MACROD2: variants seen among roughly 807,000 people sequenced by gnomAD.
MACROD2 encodes ADP-ribose glycohydrolase MACROD2.
MACROD2 carries 36 observed loss-of-function variants against 70.4 expected under a neutral mutation model. The observed-to-expected ratio is 0.51, with a 90% confidence interval of 0.39 to 0.68. The LOEUF (loss-of-function observed/expected upper bound fraction) is 0.68, where lower values mean the gene tolerates loss of function less well. Among genes scored for constraint, MACROD2 ranks in the 30% least tolerant of loss-of-function variants. The probability of loss-of-function intolerance (pLI) is 0.00; values close to 1 mark genes in which losing one functional copy is unlikely to be tolerated. For synonymous variants in MACROD2, 172 were observed against 178.8 expected (o/e 0.96, Z 0.30); for missense variants, 496 against 538.4 (o/e 0.92, Z 0.78).
At chr20:14,707,403 C>T (rs1034773158) in intron 5 of MACROD2, among the ~76,000 whole-genome samples, 1 of 152,120 alleles carries the variant, frequency 6.6e-6, no homozygotes, top group Non-Finnish European at 1.5e-5. Flanking sequence ...AGAAGAGCCT[C>T]GGTTTTCTTT....
At chr20:14,180,574 A>T (rs1227346401) in intron 3 of MACROD2, among the ~76,000 whole-genome samples, 1 of 152,152 alleles carries the variant, frequency 6.6e-6, no homozygotes, top group African/African-American at 2.4e-5. Flanking sequence ...TTGTTCAGGC[A>T]TTTAGATTAT....
intron 7 of MACROD2, among the ~76,000 whole-genome samples, chr20:15,444,947 T>C (rs1177134165): frequency 8.8e-6 from 1 of 113,146 alleles, no homozygotes. Flanking sequence ...AACACAAACA[T>C]TTAACAATTA....
At chr20:14,684,421 A>G (rs1173294237) in intron 4 of MACROD2, among the ~76,000 whole-genome samples, 1 of 152,066 alleles carries the variant, frequency 6.6e-6, no homozygotes, top group Non-Finnish European at 1.5e-5. Context: ...GGTGTGTTAG[A>G]GGCAACATGT....
chr20:15,426,970 C>CT (rs1307117914), intron 6 of MACROD2, among the ~76,000 whole-genome samples: 1 of 152,042 alleles, frequency 6.6e-6, no homozygotes, highest in Non-Finnish European at 1.5e-5. Context: ...TGTTAGTTTG[C>CT]TTGTTCACTT....
chr20:15,447,051 CGTGTGTGT>C (rs57914856), intron 7 of MACROD2, among the ~76,000 whole-genome samples: 162 of 146,612 alleles, frequency 1.1e-3, no homozygotes, highest in African/African-American at 2.2e-3. Context: ...TAAGAGTGTG[CGTGTGTGT>C]GTGTGTGTGT....
chr20:15,964,196 A>G (rs55995879), intron 12 of MACROD2, among the ~76,000 whole-genome samples: 53 of 152,350 alleles, frequency 3.5e-4, no homozygotes, highest in African/African-American at 1.3e-3. Flanking sequence ...CATGGAAATA[A>G]TAAGTTATTT....
At chr20:14,368,620 TCTC>T (rs1439144659) in intron 3 of MACROD2, among the ~76,000 whole-genome samples, 2 of 152,132 alleles carry the variant, frequency 1.3e-5, no homozygotes, top group East Asian at 1.9e-4. Context: ...GATTTTTCCT[TCTC>T]CTCTGGGTTT....
intron 3 of MACROD2, among the ~76,000 whole-genome samples, chr20:14,219,535 A>C (rs2081651854): frequency 6.6e-6 from 1 of 152,212 alleles, no homozygotes; most frequent in African/African-American, 2.4e-5. Flanking sequence ...TTTCGAGTAA[A>C]GCAGGGATTT....
rs545790987 is a variant in MACROD2, at chr20:15,851,743, G to A, written c.646-11002G>A. Among the ~76,000 whole-genome samples the A allele has an allele frequency of 1.3e-3, 194 of 152,260 alleles. 1 individual carries two copies. Among genetic ancestry groups the A allele is most frequent in the African/African-American group, 3.1e-3 (128 of 41,560 alleles). ...GGGGTCTGGGCCTTGAGGCTACTCC[G>A]TGAGTCAGTCATTGGATGCAGGCTG... On this transcript the variant is annotated intron_variant, in intron 8 of 17. Coordinates refer to ENST00000684519, the MANE Select transcript of MACROD2 (RefSeq NM_001351661.2).
chr20:15,848,347 C>A (rs1464213724), intron 8 of MACROD2, among the ~76,000 whole-genome samples: 3 of 151,976 alleles, frequency 2.0e-5, no homozygotes, highest in Non-Finnish European at 4.4e-5. Context: ...AGGCCAAAGT[C>A]ACTGTACAAG....
At chr20:15,244,004 TCA>T (rs1000478493) in intron 6 of MACROD2, among the ~76,000 whole-genome samples, 2 of 152,166 alleles carry the variant, frequency 1.3e-5, no homozygotes, top group African/African-American at 2.4e-5. Context: ...TTTTATAAAC[TCA>T]CAATTTAATA....
At chr20:14,204,043 C>T (rs904513320) in intron 3 of MACROD2, among the ~76,000 whole-genome samples, 1 of 152,130 alleles carries the variant, frequency 6.6e-6, no homozygotes, top group African/African-American at 2.4e-5. Context: ...CATGTAGGTG[C>T]CAGCAATGGA....
chr20:14,189,985 A>G (rs1417608167), intron 3 of MACROD2, among the ~76,000 whole-genome samples: 1 of 152,188 alleles, frequency 6.6e-6, no homozygotes, highest in African/African-American at 2.4e-5. Flanking sequence ...AGCTTCACTC[A>G]AGAGGGCGCC....
At chr20:15,485,615 G>A (rs1027859818) in intron 7 of MACROD2, among the ~76,000 whole-genome samples, 1 of 152,116 alleles carries the variant, frequency 6.6e-6, no homozygotes, top group South Asian at 2.1e-4. Context: ...GATGCCTGCT[G>A]TGGGAAATGT....
intron 4 of MACROD2, among the ~76,000 whole-genome samples, chr20:14,501,023 G>A (rs2084909359): frequency 6.7e-6 from 1 of 148,646 alleles, no homozygotes; most frequent in African/African-American, 2.4e-5. Context: ...TTATCTTCAA[G>A]TGATTTCTAA....
chr20:15,171,395 C>T (rs942109591), intron 5 of MACROD2, among the ~76,000 whole-genome samples: 10 of 150,670 alleles, frequency 6.6e-5, no homozygotes, highest in Admixed American at 5.3e-4. Flanking sequence ...CCTTGTGTCT[C>T]TCTTTCTCCA....
chr20:14,451,962 G>T (rs1568617854), intron 3 of MACROD2, among the ~76,000 whole-genome samples: 1 of 152,054 alleles, frequency 6.6e-6, no homozygotes, highest in Non-Finnish European at 1.5e-5. Flanking sequence ...GGGTGGAGGG[G>T]ATCTCCAATA....
rs150459436 is a variant in MACROD2 at position 15,478,271 on chromosome 20, C to A, written c.572-21503C>A. Among the ~76,000 whole-genome samples the A allele has an allele frequency of 4.1e-3, 630 of 152,338 alleles. 6 individuals carry two copies. Among genetic ancestry groups the A allele is most frequent in the African/African-American group, 0.015 (607 of 41,566 alleles). On this transcript the variant is annotated intron_variant, in intron 7 of 17. Coordinates refer to ENST00000684519, the MANE Select transcript of MACROD2 (RefSeq NM_001351661.2). ...AGGCTGAGGTATTTGCCCATCAATT[C>A]TCATCACTTACTGGATAAGGATTAT... is the stretch of plus-strand genomic sequence containing the variant.
chr20:14,975,281 G>A (rs2074728424), intron 5 of MACROD2, among the ~76,000 whole-genome samples: 1 of 152,106 alleles, frequency 6.6e-6, no homozygotes, highest in Admixed American at 6.6e-5. Flanking sequence ...CTGAGAGGAG[G>A]AACAGACACT....
Sources: allele counts gnomAD v4.1 joint callset (sites outside exome capture counted in the v4.1 genomes callset), GRCh38; gene constraint gnomAD v4.1.1; transcripts MANE v1.5; gene names NCBI Gene and HGNC (gene_info 2026-07-23, HGNC 2026-07-21).